The following ZNF620 variants were observed in gnomAD, a reference collection of about 807,000 sequenced individuals.
The protein encoded by ZNF620 is zinc finger protein 620.
A neutral mutation model predicts 13.3 loss-of-function variants in ZNF620; 10 were observed. That is an observed-to-expected ratio of 0.75 (90% confidence interval 0.46 to 1.28). The LOEUF is 1.28. Ranked by LOEUF, ZNF620 falls within the 50% of genes most tolerant of loss-of-function variation. ZNF620 has a pLI of 0.00. For synonymous variants in ZNF620, 166 were observed against 177.6 expected (o/e 0.93, Z 0.52); for missense variants, 461 against 500.2 (o/e 0.92, Z 0.75).
Position 40,515,851 on chromosome 3 carries a change from T to C in ZNF620, c.266-9T>C. 6.3e-7 allele frequency: 1 copy of C among 1,588,618 alleles called. No individual in the cohort carries two copies. Among genetic ancestry groups the C allele is most frequent in the Non-Finnish European group, 8.6e-7 (1 of 1,167,520 alleles). On this transcript the variant is annotated splice_polypyrimidine_tract_variant and intron_variant, in intron 4 of 4. Transcript: ENST00000314529. ...AGGGACTGACATTTGTATTTTCTTT[T>C]TGTGATAGGGGATGAGGCCAGAACT...
intron 4 of ZNF620, among the ~76,000 whole-genome samples, chr3:40,513,317 ATATATATATATATATATATAT>A (rs1292800941): frequency 3.3e-5 from 3 of 90,344 alleles, no homozygotes; most frequent in Middle Eastern, 6.5e-3. Context: ...AAAAAAAAAA[ATATATATATATATATATATAT>A]ATATATATAT....
At chr3:40,508,827 A>T in intron 2 of ZNF620, 1 of 456,078 alleles carries the variant, frequency 2.2e-6, no homozygotes, top group Non-Finnish European at 4.4e-6. Flanking sequence ...AAGGTTGCCT[A>T]GGCTCTTCTC....
intron 4 of ZNF620, 73 bp from the exon 5 acceptor site, chr3:40,515,787 T>TGTGTGTGG (rs1326537012): frequency 9.6e-7 from 1 of 1,036,414 alleles, no homozygotes; most frequent in Non-Finnish European, 1.3e-6. Context: ...ATATTGTGTG[T>TGTGTGTGG]GTGTGTGTGT....
rs1698265838 is a variant in ZNF620, at chr3:40,513,319, ATATATATATATATATAT to A, written c.265+805_265+821del. Among the ~76,000 whole-genome samples, 18 of 94,996 alleles carry A rather than the reference ATATATATATATATATAT, an allele frequency of 1.9e-4. 1 individual carries two copies. The highest frequency in any genetic ancestry group is 3.2e-4 in the African/African-American group (6 of 18,820). 62.3% of individuals were successfully genotyped at this position (94,996 alleles called of 152,430 possible). ...GTCTCAACTAAAAAAAAAAAAAAAT[ATATATATATATATATAT>A]ATATATATATATATATATGGCCAGG... On this transcript the variant is annotated intron_variant, in intron 4 of 4. Coordinates refer to ENST00000314529, the MANE Select transcript of ZNF620 (RefSeq NM_175888.4).
In ZNF620 at chr3:40,513,317, ATATATATAT is replaced by A. The variant is rs1282102415; in HGVS notation, c.265+803_265+811del. On this transcript the variant is annotated intron_variant, in intron 4 of 4. Transcript: ENST00000314529. ...CCGTCTCAACTAAAAAAAAAAAAAA[ATATATATAT>A]ATATATATATATATATATATATATA... is the stretch of plus-strand genomic sequence containing the variant. Among the ~76,000 whole-genome samples, 174 of 90,344 alleles carry A rather than the reference ATATATATAT, an allele frequency of 1.9e-3. 19 individuals are homozygous for A. Among genetic ancestry groups the A allele is most frequent in the African/African-American group, 7.7e-3 (164 of 21,194 alleles). 59.3% of individuals were successfully genotyped at this position (90,344 alleles called of 152,430 possible).
At chr3:40,508,592 C>T in intron 2 of ZNF620, 1 of 312,646 alleles carries the variant, frequency 3.2e-6, no homozygotes, top group Admixed American at 4.4e-5. Flanking sequence ...GGACTGTCTA[C>T]CTATCTACAT....
rs762872673 is a variant in ZNF620 at position 40,516,177 on chromosome 3, T to C, written c.583T>C (p.Ser195Pro). 6 of 1,614,108 alleles carry C rather than the reference T, an allele frequency of 3.7e-6. No individual in the cohort carries two copies. The Admixed American group carries it at 1.0e-4, about 27-fold the overall frequency. Residue 195 changes from serine to proline, a missense_variant, in exon 5 of 5, where the codon TCT (serine) becomes CCT (proline). By Grantham distance (74) the Ser-to-Pro change is moderately conservative. Transcript: ENST00000314529. The part of the protein sequence containing the change: ...TNQTNPSGQI[S>P]YECGQCGRYF... ...TCAGACAAATCCTAGTGGTCAGATA[T>C]CTTATGAATGTGGACAATGTGGCAG...
At chr3:40,506,700 T>G (rs1698030790) in intron 2 of ZNF620, among the ~76,000 whole-genome samples, 1 of 152,206 alleles carries the variant, frequency 6.6e-6, no homozygotes, top group Non-Finnish European at 1.5e-5. Flanking sequence ...GTATAGCAAT[T>G]CTAGTAACTG....
chr3:40,515,255 T>G (rs564930244), intron 4 of ZNF620, among the ~76,000 whole-genome samples: 2 of 152,306 alleles, frequency 1.3e-5, no homozygotes, highest in African/African-American at 4.8e-5. Flanking sequence ...AAACCTTCCT[T>G]TCTCCTGGAT....
rs1370282171 is a variant in ZNF620, at chr3:40,517,323, A to G, written c.*460A>G. On this transcript the variant is annotated 3_prime_UTR_variant, in exon 5 of 5. Transcript: ENST00000314529. Reference sequence around the variant, plus strand: ...TTTGGGAGGCTGAGGCGGGTGGATCATGAGGTCAGGAGTTCGAGACCAGCC... The same window carrying G: ...TTTGGGAGGCTGAGGCGGGTGGATCGTGAGGTCAGGAGTTCGAGACCAGCC... 6.5e-6 allele frequency: 1 copy of G among 152,814 alleles called. No homozygotes were observed. Among genetic ancestry groups the G allele is most frequent in the Non-Finnish European group, 1.5e-5 (1 of 68,612 alleles). 9.5% of individuals were successfully genotyped at this position (152,814 alleles called of 1,614,324 possible). A position where few individuals can be genotyped will look rare whatever the true frequency, so the allele number is the denominator to read the frequency against.
chr3:40,516,538 A>G lies in ZNF620; in HGVS notation c.944A>G (p.Lys315Arg). 1 of 1,614,218 alleles carries G rather than the reference A, an allele frequency of 6.2e-7. No individual in the cohort carries two copies. Among genetic ancestry groups the G allele is most frequent in the South Asian group, 1.1e-5 (1 of 91,078 alleles). ...CTCTATGAATGTAACGAATGTTGGAAAACTTTCAGTTGCAGCTCAAGTTTC... is the reference window on the plus strand; with the variant it reads ...CTCTATGAATGTAACGAATGTTGGAGAACTTTCAGTTGCAGCTCAAGTTTC... ...EKLYECNECW[K>R]TFSCSSSFTV... Residue 315 changes from lysine to arginine, a missense_variant, in exon 5 of 5, where the codon AAA (lysine) becomes AGA (arginine). Coordinates refer to ENST00000314529, the MANE Select transcript of ZNF620 (RefSeq NM_175888.4).
chr3:40,512,991 A>G (rs1310671357), intron 4 of ZNF620, among the ~76,000 whole-genome samples: 1 of 152,086 alleles, frequency 6.6e-6, no homozygotes, highest in Non-Finnish European at 1.5e-5. Flanking sequence ...GAAATTTTCA[A>G]ATATATGCAA....
rs1218748250 is a variant in ZNF620 at position 40,516,262 on chromosome 3, CTT to C, written c.671_672del (p.Phe224Ter). The stretch of plus-strand genomic sequence containing the variant: ...GAGAAATGTCACACTGGTGAAAAGT[CTT>C]TTGAATGCAAAGAATGTGGAAAATA... On this transcript the variant is annotated frameshift_variant, in exon 5 of 5. Coordinates refer to ENST00000314529, the MANE Select transcript of ZNF620 (RefSeq NM_175888.4). LOFTEE classifies it low-confidence loss of function (END_TRUNC). The C allele has an allele frequency of 6.2e-7, 1 of 1,614,106 alleles. No individual in the cohort carries two copies. Among genetic ancestry groups the C allele is most frequent in the South Asian group, 1.1e-5 (1 of 91,078 alleles).
At chr3:40,511,379 C>T (rs1698192636) in intron 2 of ZNF620, 91 bp from the exon 3 acceptor site, 1 of 1,516,776 alleles carries the variant, frequency 6.6e-7, no homozygotes, top group Non-Finnish European at 8.9e-7. Context: ...CTGTCCTTGG[C>T]AATACCACTA....
chr3:40,516,822 C>T lies in ZNF620; in HGVS notation c.1228C>T (p.His410Tyr). 1 of 1,612,974 alleles carries T rather than the reference C, an allele frequency of 6.2e-7. No individual in the cohort carries two copies. Among genetic ancestry groups the T allele is most frequent in the Non-Finnish European group, 8.5e-7 (1 of 1,179,150 alleles). ...CAGCTGGTGTGGAAGATTCATTCTG[C>T]ATCAGAAACTACACACTCAGAAGAC... ...TFSWCGRFIL[H>Y]QKLHTQKTPV... Residue 410 changes from histidine to tyrosine, a missense_variant, in exon 5 of 5, where the codon CAT (histidine) becomes TAT (tyrosine). By Grantham distance (83) the His-to-Tyr change is moderately conservative. Coordinates refer to ENST00000314529, the MANE Select transcript of ZNF620 (RefSeq NM_175888.4).
rs1698434795 is a variant in ZNF620, at chr3:40,517,690, G to T, written c.*827G>T. 6.6e-6 allele frequency: 1 copy of T among 152,140 alleles called. No individual in the cohort carries two copies. The highest frequency in any genetic ancestry group is 1.5e-5 in the Non-Finnish European group (1 of 68,020). The allele number at this position is 152,140 out of a possible 1,614,324, so 9.4% of individuals were successfully genotyped here. A position where few individuals can be genotyped will look rare whatever the true frequency, so the allele number is the denominator to read the frequency against. ...CTCCAAAGTATAAGTATAGAATAAA[G>T]GCATTTCAGACCCTTTAAATCTGAA... On this transcript the variant is annotated 3_prime_UTR_variant, in exon 5 of 5. Transcript: ENST00000314529.
intron 2 of ZNF620, among the ~76,000 whole-genome samples, chr3:40,508,316 T>C (rs905085803): frequency 1.5e-4 from 23 of 152,128 alleles, no homozygotes; most frequent in African/African-American, 5.3e-4. Flanking sequence ...TTTTGTAAAA[T>C]AGGCATTTAG....
intron 1 of ZNF620, 26 bp downstream of exon 1, chr3:40,506,164 T>C (rs1698008858): frequency 1.4e-6 from 1 of 704,164 alleles, no homozygotes; most frequent in Non-Finnish European, 2.5e-6. Context: ...TCCTGGGGCT[T>C]GTTCTGCCTG....
chr3:40,514,472 TTCTA>T (rs1698310744), intron 4 of ZNF620, among the ~76,000 whole-genome samples: 1 of 152,182 alleles, frequency 6.6e-6, no homozygotes, highest in South Asian at 2.1e-4. Flanking sequence ...CTGTCTTTTC[TTCTA>T]TCTCTTTGTC....
Sources: allele counts gnomAD v4.1 joint callset (sites outside exome capture counted in the v4.1 genomes callset), GRCh38; gene constraint gnomAD v4.1.1; transcripts MANE v1.5; gene names NCBI Gene and HGNC (gene_info 2026-07-23, HGNC 2026-07-21).